The following PFKFB3 variants were observed in gnomAD, a reference collection of about 807,000 sequenced individuals.
PFKFB3 encodes the protein 6-phosphofructo-2-kinase/fructose-2,6-bisphosphatase 3.
Under a neutral mutation model 68.0 loss-of-function variants are expected in PFKFB3, and 33 were observed. That is an observed-to-expected ratio of 0.49 (90% confidence interval 0.37 to 0.65). PFKFB3 has a LOEUF of 0.65. Ranked by LOEUF, PFKFB3 falls within the 30% of genes least tolerant of loss-of-function variation. The probability of loss-of-function intolerance (pLI) is 0.00; values close to 1 mark genes in which losing one functional copy is unlikely to be tolerated. For synonymous variants in PFKFB3, 315 were observed against 288.2 expected (o/e 1.09, Z -0.94); for missense variants, 586 against 712.2 (o/e 0.82, Z 2.02).
At chr10:6,219,469 G>C (rs780424550) in intron 6 of PFKFB3, 100 bp from the exon 7 acceptor site, 1 of 1,276,836 alleles carries the variant, frequency 7.8e-7, no homozygotes, top group Non-Finnish European at 1.1e-6. Context: ...TTTATACTGA[G>C]CCTTCTGTGC....
In PFKFB3 at chr10:6,202,934, C is replaced by G; in HGVS notation, c.-327C>G. 1 of 1,222,424 alleles carries G rather than the reference C, an allele frequency of 8.2e-7. No individual in the cohort carries two copies. Among genetic ancestry groups the G allele is most frequent in the Non-Finnish European group, 1.0e-6 (1 of 977,126 alleles). The allele number at this position is 1,222,424 out of a possible 1,614,324, so 75.7% of individuals were successfully genotyped here. A position where few individuals can be genotyped will look rare whatever the true frequency, so the allele number is the denominator to read the frequency against. On this transcript the variant is annotated 5_prime_UTR_variant, in exon 1 of 15. Transcript: ENST00000379775. The stretch of plus-strand genomic sequence containing the variant: ...GCCGGCGGTGCGCGGGGCATCCCAG[C>G]CAAGCCGGAGAGGAGGCGAGCAGCA...
chr10:6,309,055 G>A, the PFKFB3 span, among the ~76,000 whole-genome samples: 1 of 152,116 alleles, frequency 6.6e-6, no homozygotes, highest in African/African-American at 2.4e-5. Context: ...AGAGAGGGCG[G>A]GTGGGATGTC....
intron 14 of PFKFB3, among the ~76,000 whole-genome samples, chr10:6,226,645 G>C (rs891235053): frequency 1.3e-5 from 2 of 152,180 alleles, no homozygotes; most frequent in African/African-American, 4.8e-5. Context: ...CTGAGGATGG[G>C]GTCTTTACAG....
rs1171534813 is a variant in PFKFB3, at chr10:6,210,344, TTG to T, written c.77-3277_77-3276del. Among the ~76,000 whole-genome samples, 34 of 37,978 alleles carry T rather than the reference TTG, an allele frequency of 9.0e-4. 4 individuals are homozygous for T. Among genetic ancestry groups the T allele is most frequent in the African/African-American group, 1.6e-3 (31 of 19,074 alleles). 24.9% of individuals were successfully genotyped at this position (37,978 alleles called of 152,430 possible). ...CAGGCGCCCCTCTCTTTGTTTTTTT[TTG>T]TTTTTTTTTGTTTTTTTGTTTTTTT... On this transcript the variant is annotated intron_variant, in intron 1 of 14. Coordinates refer to ENST00000379775, the MANE Select transcript of PFKFB3 (RefSeq NM_004566.4).
intron 1 of PFKFB3, among the ~76,000 whole-genome samples, chr10:6,153,591 C>T (rs1037287435): frequency 4.6e-5 from 7 of 152,158 alleles, no homozygotes; most frequent in East Asian, 1.9e-4. Context: ...AGGTGGCTCA[C>T]ACCTCTAATC....
chr10:6,221,888 A>G (rs1384272705), intron 10 of PFKFB3, 143 bp downstream of exon 10: 8 of 614,622 alleles, frequency 1.3e-5, no homozygotes, highest in South Asian at 3.9e-5. Context: ...AGTCCCCCCA[A>G]ACTGAACCTT....
the PFKFB3 span, among the ~76,000 whole-genome samples, chr10:6,281,182 T>TATATATATAC: frequency 3.0e-5 from 4 of 133,658 alleles, no homozygotes; most frequent in African/African-American, 5.3e-5. Context: ...TATATATATA[T>TATATATATAC]ACACCACAGT....
At chr10:6,191,421 T>C (rs1843019956) in intron 1 of PFKFB3, among the ~76,000 whole-genome samples, 1 of 152,214 alleles carries the variant, frequency 6.6e-6, no homozygotes. Context: ...AATGTATGCC[T>C]CACTGTTCCA....
At chr10:6,231,462 G>T in intron 14 of PFKFB3, 1 of 1,474,882 alleles carries the variant, frequency 6.8e-7, no homozygotes, top group Non-Finnish European at 9.0e-7. Context: ...GTCCTTTCTA[G>T]TCTGTCTCTC....
Position 6,222,899 on chromosome 10 carries a change from G to C in PFKFB3, c.1128G>C (p.Glu376Asp). ...LVQRLEPVIM[E>D]LERQENVLVI... Reference sequence around the variant, plus strand: ...AGCGCTTGGAGCCAGTGATCATGGAGCTGGAGCGGCAGGAGAATGTGCTGG... The same window carrying C: ...AGCGCTTGGAGCCAGTGATCATGGACCTGGAGCGGCAGGAGAATGTGCTGG... Residue 376 changes from glutamate (E) to aspartate (D), a missense_variant, in exon 11 of 15, where the codon GAG becomes GAC. Glu to Asp is a conservative substitution (Grantham distance 45). Transcript: ENST00000379775. 1 of 1,614,030 alleles carries C rather than the reference G, an allele frequency of 6.2e-7. No homozygotes were observed. The highest frequency in any genetic ancestry group is 1.1e-5 in the South Asian group (1 of 91,064).
At chr10:6,176,280 A>G (rs1433923136) in intron 1 of PFKFB3, among the ~76,000 whole-genome samples, 5 of 151,294 alleles carry the variant, frequency 3.3e-5, no homozygotes, top group Admixed American at 1.3e-4. Context: ...GGTTCCCTTG[A>G]GGTGGTGATG....
chr10:6,302,857 A>C, the PFKFB3 span, among the ~76,000 whole-genome samples: 5 of 151,798 alleles, frequency 3.3e-5, no homozygotes, highest in Non-Finnish European at 1.5e-5. Context: ...TGCATTGAGA[A>C]AGTCATCTTT....
chr10:6,146,497 GTATGA>G, intron 1 of PFKFB3: 1 of 1,534,982 alleles, frequency 6.5e-7, no homozygotes, highest in Non-Finnish European at 8.7e-7. Flanking sequence ...ATTAATCCAG[GTATGA>G]TTCGGCCACC....
At chr10:6,269,023 CAA>C in the PFKFB3 span, among the ~76,000 whole-genome samples, 36,002 of 93,164 alleles carry the variant, frequency 0.39, 4,629 homozygotes, top group Non-Finnish European at 0.45. Context: ...GATCCTGTCT[CAA>C]AAAAAAAAAA....
At chr10:6,300,531 A>T in the PFKFB3 span, among the ~76,000 whole-genome samples, 1,057 of 152,328 alleles carry the variant, frequency 6.9e-3, 13 homozygotes, top group African/African-American at 0.024. Flanking sequence ...AGTCAAAGCC[A>T]GCTTTTCCAG....
Position 6,220,951 on chromosome 10 carries a change from C to T in PFKFB3, c.831+86C>T. 1 of 1,175,664 alleles carries T rather than the reference C, an allele frequency of 8.5e-7. No individual in the cohort carries two copies. The highest frequency in any genetic ancestry group is 2.4e-5 in the East Asian group (1 of 42,156). 72.8% of individuals were successfully genotyped at this position (1,175,664 alleles called of 1,614,324 possible). ...GTGGGTGGGGAGCTGTGTGCTGCTGCTGCTGCTGCTGCTGCTGCTTGGTGT... is the reference window on the plus strand; with the variant it reads ...GTGGGTGGGGAGCTGTGTGCTGCTGTTGCTGCTGCTGCTGCTGCTTGGTGT... On this transcript the variant is annotated intron_variant, in intron 8 of 14. Coordinates refer to ENST00000379775, the MANE Select transcript of PFKFB3 (RefSeq NM_004566.4). The surrounding 1 kb of genome is among the most constrained non-coding windows in gnomAD (Gnocchi z 4.1).
At chr10:6,279,234 T>C in the PFKFB3 span, among the ~76,000 whole-genome samples, 8 of 152,258 alleles carry the variant, frequency 5.3e-5, no homozygotes, top group South Asian at 1.4e-3. Flanking sequence ...CATGTAAATG[T>C]GAATTTTTAA....
the PFKFB3 span, among the ~76,000 whole-genome samples, chr10:6,308,982 C>G: frequency 6.6e-6 from 1 of 152,152 alleles, no homozygotes; most frequent in South Asian, 2.1e-4. Flanking sequence ...GTCCATGGGA[C>G]TTTTGGGATG....
chr10:6,323,161 GT>G, the PFKFB3 span, among the ~76,000 whole-genome samples: 1 of 152,170 alleles, frequency 6.6e-6, no homozygotes, highest in African/African-American at 2.4e-5. Flanking sequence ...GGATATATCT[GT>G]ATCTATATCC....
Sources: gnomAD v4.1 joint callset for allele counts (sites outside exome capture counted in the v4.1 genomes callset) on GRCh38, gnomAD v4.1.1 for gene constraint, Gnocchi (gnomAD v3.1) non-coding constraint, MANE v1.5 for transcripts, NCBI Gene and HGNC (gene_info 2026-07-23, HGNC 2026-07-21) for gene names.